The following PPP2R2C variants were observed in gnomAD, a reference collection of about 807,000 sequenced individuals.
PPP2R2C encodes protein phosphatase 2 regulatory subunit Bgamma.
A neutral mutation model predicts 45.3 loss-of-function variants in PPP2R2C; 10 were observed. The observed-to-expected ratio is 0.22, with a 90% CI of 0.14 to 0.37. The LOEUF is 0.37. PPP2R2C is among the 10% of genes least tolerant of loss of function. PPP2R2C has a pLI of 1.00. For missense variants in PPP2R2C, 308 were observed against 619.7 expected, an observed-to-expected ratio of 0.50 and a Z score of 5.34; for synonymous variants, 257 against 245.4, an observed-to-expected ratio of 1.05 and a Z score of -0.44.
intron 5 of PPP2R2C, chr4:6,348,657 C>G (rs1323075621): frequency 1.2e-5 from 12 of 985,244 alleles, no homozygotes; most frequent in Non-Finnish European, 1.4e-5. Flanking sequence ...ACTGAAAAGG[C>G]TGGGATGCAG....
chr4:6,473,299 C>G (rs529509283), upstream of PPP2R2C, among the ~76,000 whole-genome samples: 1 of 152,318 alleles, frequency 6.6e-6, no homozygotes, highest in East Asian at 1.9e-4. Context: ...CCCTTCCCTC[C>G]CTCCCCTCCA....
At chr4:6,525,156 G>A (rs36069244) in intron 2 of PPP2R2C, among the ~76,000 whole-genome samples, 40,346 of 152,112 alleles carry the variant, frequency 0.27, 6,555 homozygotes, top group Admixed American at 0.35. Context: ...TGTAATCCCA[G>A]CACTTTGGGA....
chr4:6,425,462 C>A lies in PPP2R2C; in HGVS notation c.71-44368G>T, dbSNP rs535319324. On this transcript the variant is annotated intron_variant, in intron 1 of 8. Transcript: ENST00000382599. ...GAGTCATGTGAGGATCCAGGGACATCCAGTGCTGCTGGAAGTCTGGGGGTG... is the reference window on the plus strand; with the variant it reads ...GAGTCATGTGAGGATCCAGGGACATACAGTGCTGCTGGAAGTCTGGGGGTG... Among the ~76,000 whole-genome samples the A allele has an allele frequency of 9.8e-5, 15 of 152,310 alleles. No individual in the cohort carries two copies. The South Asian group carries it at 3.1e-3, about 32-fold the overall frequency.
At chr4:6,440,563 G>C (rs6829828) in intron 1 of PPP2R2C, among the ~76,000 whole-genome samples, 151,052 of 152,282 alleles carry the variant, frequency 0.99, 74,925 homozygotes, top group Middle Eastern at 1. Context: ...CTCCGTAAAC[G>C]CCAGCAGGCT....
chr4:6,338,125 A>T (rs2109194346), intron 6 of PPP2R2C, among the ~76,000 whole-genome samples: 1 of 152,176 alleles, frequency 6.6e-6, no homozygotes, highest in Non-Finnish European at 1.5e-5. Flanking sequence ...ATCGCTAAGG[A>T]CATTTCACAG....
chr4:6,508,754 A>G (rs1723325583), intron 2 of PPP2R2C, among the ~76,000 whole-genome samples: 1 of 152,156 alleles, frequency 6.6e-6, no homozygotes, highest in Non-Finnish European at 1.5e-5. Context: ...CTGGTAAGGG[A>G]AAAACGACTC....
At chr4:6,333,851 C>T (rs929091427) in intron 6 of PPP2R2C, 120 bp from the exon 7 acceptor site, 3 of 1,096,998 alleles carry the variant, frequency 2.7e-6, no homozygotes, top group African/African-American at 1.6e-5. Context: ...TTCATTCATT[C>T]CTCAAACCTA....
Position 6,349,193 on chromosome 4 carries a change from C to T in PPP2R2C, c.626-1183G>A, listed in dbSNP as rs183048346. On this transcript the variant is annotated intron_variant, in intron 5 of 8. Coordinates refer to ENST00000382599, the MANE Select transcript of PPP2R2C (RefSeq NM_020416.4). ...CCTCTCACAGCAATGACCTCAGGCT[C>T]CGGTCTCCCCGGCCCTGCATGGGGC... 4.1e-6 allele frequency: 4 copies of T among 985,346 alleles called. No homozygotes were observed. The African/African-American group carries it at 7.0e-5, about 17-fold the overall frequency. 61.0% of individuals were successfully genotyped at this position (985,346 alleles called of 1,614,324 possible). A position where few individuals can be genotyped will look rare whatever the true frequency, so the allele number is the denominator to read the frequency against.
chr4:6,337,865 G>C (rs112377269), intron 6 of PPP2R2C, among the ~76,000 whole-genome samples: 1 of 152,212 alleles, frequency 6.6e-6, no homozygotes. Flanking sequence ...GAATGCAAAC[G>C]ATAGATCGGA....
At chr4:6,338,009 C>T (rs1733120211) in intron 6 of PPP2R2C, among the ~76,000 whole-genome samples, 1 of 152,012 alleles carries the variant, frequency 6.6e-6, no homozygotes, top group Admixed American at 6.6e-5. Flanking sequence ...TCAATCGCTG[C>T]CCCCGAGTAC....
chr4:6,418,855 C>A (rs1389084595), intron 1 of PPP2R2C, among the ~76,000 whole-genome samples: 1 of 152,204 alleles, frequency 6.6e-6, no homozygotes, highest in Non-Finnish European at 1.5e-5. Flanking sequence ...TCGGCCTGCC[C>A]TGTACTAAGT....
chr4:6,341,731 A>C (rs546574229), intron 6 of PPP2R2C, among the ~76,000 whole-genome samples: 1 of 152,308 alleles, frequency 6.6e-6, no homozygotes, highest in African/African-American at 2.4e-5. Context: ...CAAAGATGGA[A>C]GAAAGAGATG....
intron 2 of PPP2R2C, among the ~76,000 whole-genome samples, chr4:6,518,518 A>C (rs1723901146): frequency 6.6e-6 from 1 of 152,248 alleles, no homozygotes; most frequent in African/African-American, 2.4e-5. Flanking sequence ...CACTGTGAAC[A>C]ACTCTATGCC....
At chr4:6,358,671 A>G (rs1383857977) in intron 5 of PPP2R2C, among the ~76,000 whole-genome samples, 1 of 152,264 alleles carries the variant, frequency 6.6e-6, no homozygotes, top group Non-Finnish European at 1.5e-5. Flanking sequence ...CAACACCATC[A>G]AAAAGTGGGC....
chr4:6,515,713 A>T (rs1333288014), intron 2 of PPP2R2C, among the ~76,000 whole-genome samples: 1 of 152,258 alleles, frequency 6.6e-6, no homozygotes, highest in African/African-American at 2.4e-5. Context: ...AGCATTTATC[A>T]AGCTCCAACT....
intron 1 of PPP2R2C, among the ~76,000 whole-genome samples, chr4:6,455,801 A>G (rs1193841336): frequency 6.6e-6 from 1 of 152,130 alleles, no homozygotes; most frequent in Admixed American, 6.5e-5. Context: ...TGCTGTGCCC[A>G]TAATGTCCCT....
chr4:6,519,787 C>T (rs1246834944), intron 2 of PPP2R2C, among the ~76,000 whole-genome samples: 7 of 152,144 alleles, frequency 4.6e-5, no homozygotes, highest in African/African-American at 1.7e-4. Context: ...CAACCAAGCC[C>T]CTCAAACACC....
intron 2 of PPP2R2C, among the ~76,000 whole-genome samples, chr4:6,488,654 AGCCTGGG>A (rs1414384497): frequency 1.3e-5 from 2 of 151,742 alleles, no homozygotes; most frequent in Non-Finnish European, 2.9e-5. Flanking sequence ...ACTGCACTCT[AGCCTGGG>A]TGACAGAGCA....
At chr4:6,550,227 T>G (rs896637685) in intron 1 of PPP2R2C, among the ~76,000 whole-genome samples, 1 of 152,012 alleles carries the variant, frequency 6.6e-6, no homozygotes, top group Non-Finnish European at 1.5e-5. Context: ...CCTCCAAGCT[T>G]CCTGTTCCCC....
Sources: gnomAD v4.1 joint callset for allele counts (sites outside exome capture counted in the v4.1 genomes callset) on GRCh38, gnomAD v4.1.1 for gene constraint, MANE v1.5 for transcripts, NCBI Gene and HGNC (gene_info 2026-07-23, HGNC 2026-07-21) for gene names.